Variants in NAALADL2 observed in about 807,000 individuals in gnomAD.
NAALADL2 encodes the protein N-acetylated alpha-linked acidic dipeptidase like 2.
A neutral mutation model predicts 87.2 loss-of-function variants in NAALADL2; 76 were observed. The observed-to-expected ratio is 0.87, with a 90% CI of 0.72 to 1.05. The LOEUF (loss-of-function observed/expected upper bound fraction) is 1.05, where lower values mean the gene tolerates loss of function less well. Among genes scored for constraint, NAALADL2 ranks in the 50% least tolerant of loss-of-function variants. The probability of loss-of-function intolerance (pLI) is 0.00; values close to 1 mark genes in which losing one functional copy is unlikely to be tolerated. For synonymous variants in NAALADL2, 354 were observed against 331.0 expected (o/e 1.07, Z -0.75); for missense variants, 1,089 against 945.8 (o/e 1.15, Z -1.99).
intron 9 of NAALADL2, among the ~76,000 whole-genome samples, chr3:175,559,214 CT>C (rs755745351): frequency 8.6e-5 from 13 of 151,940 alleles, no homozygotes; most frequent in Admixed American, 3.3e-4. Context: ...TTCTTGATTG[CT>C]TTTTCAAATT....
chr3:175,086,481 T>G (rs1328141386), intron 1 of NAALADL2, among the ~76,000 whole-genome samples: 1 of 152,162 alleles, frequency 6.6e-6, no homozygotes, highest in African/African-American at 2.4e-5. Flanking sequence ...TTTGACATTT[T>G]AAAATTAAAG....
chr3:174,445,885 TA>T (rs1715019931), intron 1 of NAALADL2, among the ~76,000 whole-genome samples: 1 of 152,172 alleles, frequency 6.6e-6, no homozygotes, highest in African/African-American at 2.4e-5. Flanking sequence ...GCATTGTGCC[TA>T]ATTTTTTGTT....
intron 1 of NAALADL2, among the ~76,000 whole-genome samples, chr3:175,017,469 G>T (rs1351073261): frequency 6.6e-6 from 1 of 152,088 alleles, no homozygotes; most frequent in East Asian, 1.9e-4. Context: ...TAAACAGGGA[G>T]AAGGTCATAC....
chr3:175,343,069 A>G (rs1762729356), intron 5 of NAALADL2, among the ~76,000 whole-genome samples: 1 of 152,086 alleles, frequency 6.6e-6, no homozygotes, highest in African/African-American at 2.4e-5. Flanking sequence ...AAGAAATAGC[A>G]GCCACTATTC....
intron 4 of NAALADL2, among the ~76,000 whole-genome samples, chr3:175,279,682 G>A (rs1468123042): frequency 1.3e-5 from 2 of 151,726 alleles, no homozygotes; most frequent in African/African-American, 4.8e-5. Context: ...TTTGAAGCAG[G>A]AAGAATGATC....
intron 6 of NAALADL2, 64 bp downstream of exon 6, chr3:175,447,436 T>C: frequency 8.8e-7 from 1 of 1,131,722 alleles, no homozygotes; most frequent in Non-Finnish European, 1.2e-6. Context: ...TCATTTTTAA[T>C]CTCCTAAATT....
intron 9 of NAALADL2, among the ~76,000 whole-genome samples, chr3:175,531,916 A>G (rs115189224): frequency 0.01 from 1,589 of 152,310 alleles, 30 homozygotes; most frequent in African/African-American, 0.037. Flanking sequence ...CACGTCCTTG[A>G]TGGTGGTGCT....
chr3:174,872,701 G>C (rs1727985444), intron 1 of NAALADL2, among the ~76,000 whole-genome samples: 1 of 150,976 alleles, frequency 6.6e-6, no homozygotes, highest in African/African-American at 2.5e-5. Context: ...TGTGAAAAAG[G>C]AAAAACCAAT....
At chr3:175,175,794 A>G (rs78435347) in intron 2 of NAALADL2, among the ~76,000 whole-genome samples, 1 of 152,144 alleles carries the variant, frequency 6.6e-6, no homozygotes, top group Non-Finnish European at 1.5e-5. Flanking sequence ...TTCTGAACAT[A>G]CAGGAATTAT....
intron 4 of NAALADL2, among the ~76,000 whole-genome samples, chr3:175,284,846 A>C (rs1435207618): frequency 6.6e-6 from 1 of 152,066 alleles, no homozygotes; most frequent in Non-Finnish European, 1.5e-5. Flanking sequence ...TGAATAATCT[A>C]AAAAAGGCCA....
chr3:174,586,494 G>A (rs1285841747), intron 2 of NAALADL2, among the ~76,000 whole-genome samples: 2 of 152,122 alleles, frequency 1.3e-5, no homozygotes, highest in African/African-American at 4.8e-5. Context: ...GAGACCACAG[G>A]GTTTACTAAG....
intron 3 of NAALADL2, among the ~76,000 whole-genome samples, chr3:174,749,340 A>G (rs767463922): frequency 6.6e-6 from 1 of 152,240 alleles, no homozygotes; most frequent in Admixed American, 6.5e-5. Context: ...TTACCTCAAG[A>G]CAAAGCACAT....
intron 2 of NAALADL2, among the ~76,000 whole-genome samples, chr3:175,098,691 G>C (rs1466375079): frequency 6.6e-6 from 1 of 152,130 alleles, no homozygotes; most frequent in African/African-American, 2.4e-5. Context: ...ATATAGGCTG[G>C]AGCAGAAAAA....
At chr3:174,831,949 G>A (rs1355941516) in intron 3 of NAALADL2, among the ~76,000 whole-genome samples, 2 of 151,618 alleles carry the variant, frequency 1.3e-5, no homozygotes, top group Non-Finnish European at 2.9e-5. Context: ...GGGATCGGTG[G>A]TGATATCCCC....
chr3:174,502,022 T>C (rs1374005887), intron 1 of NAALADL2, among the ~76,000 whole-genome samples: 5 of 152,152 alleles, frequency 3.3e-5, no homozygotes, highest in Admixed American at 3.3e-4. Flanking sequence ...TATTTTTTGA[T>C]CATGTTGAGT....
chr3:175,066,079 CAAGTGGAA>C (rs1331963769), intron 1 of NAALADL2, among the ~76,000 whole-genome samples: 3 of 152,100 alleles, frequency 2.0e-5, no homozygotes, highest in Non-Finnish European at 4.4e-5. Context: ...CTGCAGAGAA[CAAGTGGAA>C]ATCCTGAAAT....
At chr3:174,807,869 T>TTGTGTGTGTGTG (rs374956917) in intron 3 of NAALADL2, among the ~76,000 whole-genome samples, 3,420 of 149,872 alleles carry the variant, frequency 0.023, 124 homozygotes, top group African/African-American at 0.073. Flanking sequence ...ATTATTTTCA[T>TTGTGTGTGTGTG]TGTGTGTGTG....
intron 9 of NAALADL2, among the ~76,000 whole-genome samples, chr3:175,551,220 T>A (rs557866787): frequency 3.3e-5 from 5 of 152,092 alleles, no homozygotes; most frequent in African/African-American, 1.2e-4. Flanking sequence ...GAAAAATGAG[T>A]AATTATGGGA....
chr3:174,770,711 G>A lies in NAALADL2; in HGVS notation c.-9+32965G>A, dbSNP rs561078872. On this transcript the variant is annotated intron_variant, in intron 3 of 3. Transcript: ENST00000434257. Reference sequence around the variant, plus strand: ...AAAAATTAGCTGGGCTTGGTGGTGGGCACCTGCAGTCCCAGCTACTCAGGA... The same window carrying A: ...AAAAATTAGCTGGGCTTGGTGGTGGACACCTGCAGTCCCAGCTACTCAGGA... Among the ~76,000 whole-genome samples the A allele has an allele frequency of 2.0e-5, 3 of 152,060 alleles. No homozygotes were observed. The South Asian group carries it at 6.2e-4, about 32-fold the overall frequency.
Sources: gnomAD v4.1 joint callset for allele counts (sites outside exome capture counted in the v4.1 genomes callset) on GRCh38, gnomAD v4.1.1 for gene constraint, MANE v1.5 for transcripts, NCBI Gene and HGNC (gene_info 2026-07-23, HGNC 2026-07-21) for gene names.